The following CALM2 variants were observed in gnomAD, a reference collection of about 807,000 sequenced individuals.
CALM2 encodes calmodulin-2.
In CALM2, 2 loss-of-function variants were observed where a neutral mutation model predicts 19.8. The ratio of observed to expected loss-of-function variants is 0.10; its 90% confidence interval spans 0.04 to 0.32. The LOEUF (loss-of-function observed/expected upper bound fraction) is 0.32, where lower values mean the gene tolerates loss of function less well. CALM2 is among the 10% of genes least tolerant of loss of function. CALM2 has a pLI of 1.00. For synonymous variants in CALM2, 51 were observed against 52.1 expected, an observed-to-expected ratio of 0.98 and a Z score of 0.09; for missense variants, 38 against 178.7, an observed-to-expected ratio of 0.21 and a Z score of 4.49.
At chr2:47,165,336 G>C (rs1666429234) in intron 2 of CALM2, among the ~76,000 whole-genome samples, 1 of 152,180 alleles carries the variant, frequency 6.6e-6, no homozygotes, top group Admixed American at 6.5e-5. Context: ...CCTCATTTCT[G>C]TGAAATGACA....
chr2:47,176,478 C>A lies in CALM2; in HGVS notation c.-35G>T. On this transcript the variant is annotated 5_prime_UTR_variant, in exon 1 of 6. Coordinates refer to ENST00000272298, the MANE Select transcript of CALM2 (RefSeq NM_001743.6). ...GCTACCGGTTTCCGAGACGCGACCACACAACCACTCAGCTCGCTCTCTCCA... is the reference window on the plus strand; with the variant it reads ...GCTACCGGTTTCCGAGACGCGACCAAACAACCACTCAGCTCGCTCTCTCCA... The A allele has an allele frequency of 1.2e-6, 2 of 1,613,742 alleles. No individual in the cohort carries two copies. Among genetic ancestry groups the A allele is most frequent in the East Asian group, 4.5e-5 (2 of 44,870 alleles).
chr2:47,173,374 C>T (rs972417467), intron 1 of CALM2: 4 of 152,258 alleles, frequency 2.6e-5, no homozygotes, highest in African/African-American at 7.2e-5. Context: ...CTTGTTCTTA[C>T]TCCCTTATTT....
In CALM2 at chr2:47,176,382, G is replaced by C; in HGVS notation, c.3+59C>G. 2.5e-6 allele frequency: 4 copies of C among 1,601,582 alleles called. 1 individual carries two copies. In the South Asian group the frequency reaches 3.3e-5, roughly 13 times the overall value. On this transcript the variant is annotated intron_variant, in intron 1 of 5. Transcript: ENST00000272298. ...GAGGCGAGTTTCCTTTGTTTAGTCA[G>C]TTCGCTCCAGTCTCTTCCCCCCACA...
Position 47,176,465 on chromosome 2 carries a change from C to G in CALM2, c.-22G>C, listed in dbSNP as rs765695627. 3.7e-6 allele frequency: 6 copies of G among 1,613,788 alleles called. No individual in the cohort carries two copies. Among genetic ancestry groups the G allele is most frequent in the Middle Eastern group, 1.6e-4 (1 of 6,062 alleles). ...CCATGCTGCAAGCGCTACCGGTTTC[C>G]GAGACGCGACCACACAACCACTCAG... is the stretch of plus-strand genomic sequence containing the variant. On this transcript the variant is annotated 5_prime_UTR_variant, in exon 1 of 6. Coordinates refer to ENST00000272298, the MANE Select transcript of CALM2 (RefSeq NM_001743.6).
chr2:47,168,389 T>C (rs1214120483), intron 2 of CALM2, among the ~76,000 whole-genome samples: 1 of 152,070 alleles, frequency 6.6e-6, no homozygotes, highest in Admixed American at 6.6e-5. Flanking sequence ...TTAAAGACAA[T>C]AAAGAGAACA....
At chr2:47,170,441 T>TAGTC (rs992207561) in intron 2 of CALM2, among the ~76,000 whole-genome samples, 7 of 152,184 alleles carry the variant, frequency 4.6e-5, no homozygotes, top group Admixed American at 1.3e-4. Context: ...TATACTAAGG[T>TAGTC]AGTCTTCAGA....
upstream of CALM2, chr2:47,176,641 C>A (rs1171544365): frequency 5.4e-6 from 8 of 1,484,794 alleles, no homozygotes; most frequent in East Asian, 2.5e-5. Context: ...TCTCGGGACC[C>A]CTTTCTTCAC....
chr2:47,162,426 G>A (rs1177492240), intron 3 of CALM2, 34 bp from the exon 4 acceptor site: 1 of 1,604,752 alleles, frequency 6.2e-7, no homozygotes, highest in Admixed American at 1.7e-5. Context: ...CAAAGCTTTA[G>A]TGGAAACATA....
intron 2 of CALM2, among the ~76,000 whole-genome samples, chr2:47,170,158 C>A (rs546999341): frequency 6.6e-6 from 1 of 152,126 alleles, no homozygotes; most frequent in African/African-American, 2.4e-5. Flanking sequence ...AAGATTTAAG[C>A]GGCTTCATTT....
rs1212624162 is a variant in CALM2, at chr2:47,161,877, T to C, written c.286-19A>G. On this transcript the variant is annotated intron_variant, in intron 4 of 5. Coordinates refer to ENST00000272298, the MANE Select transcript of CALM2 (RefSeq NM_001743.6). ...TGCCATCCTAGCAAAAAATTTAGTA[T>C]AGTTTCTGAGTCAAATTACAGACTT... 6.3e-7 allele frequency: 1 copy of C among 1,597,544 alleles called. No homozygotes were observed. The highest frequency in any genetic ancestry group is 8.5e-7 in the Non-Finnish European group (1 of 1,172,380).
intron 2 of CALM2, among the ~76,000 whole-genome samples, chr2:47,167,211 A>T (rs948629193): frequency 2.0e-5 from 3 of 152,196 alleles, no homozygotes; most frequent in Admixed American, 6.5e-5. Context: ...TCTCAAACAA[A>T]TTTGGACCTT....
In CALM2 at chr2:47,160,824, CA is replaced by C. The variant is rs1260026331; in HGVS notation, c.422-21del. The C allele has an allele frequency of 7.9e-6, 5 of 632,900 alleles. No homozygotes were observed. Among genetic ancestry groups the C allele is most frequent in the African/African-American group, 1.0e-4 (2 of 19,692 alleles). The allele number at this position is 632,900 out of a possible 1,614,324, so 39.2% of individuals were successfully genotyped here. A position where few individuals can be genotyped will look rare whatever the true frequency, so the allele number is the denominator to read the frequency against. On this transcript the variant is annotated intron_variant, in intron 5 of 5. Coordinates refer to ENST00000272298, the MANE Select transcript of CALM2 (RefSeq NM_001743.6). The stretch of plus-strand genomic sequence containing the variant: ...CAAACTCTGAAAAAGAAGAAGTACA[CA>C]AAAAATGAGTCAATAGCAAAAGACC...
chr2:47,161,548 C>CA (rs1367854252), intron 5 of CALM2, among the ~76,000 whole-genome samples, 175 bp downstream of exon 5: 1 of 152,072 alleles, frequency 6.6e-6, no homozygotes, highest in Non-Finnish European at 1.5e-5. Context: ...CAAGTCAGAG[C>CA]AATGTTACCT....
intron 1 of CALM2, chr2:47,171,175 T>TA (rs10700263): frequency 0.17 from 25,468 of 147,008 alleles, 2,196 homozygotes; most frequent in Non-Finnish European, 0.2. Flanking sequence ...TTAAAGTGAT[T>TA]AAAAAAAAAA....
intron 2 of CALM2, among the ~76,000 whole-genome samples, chr2:47,167,941 TAC>T (rs1213895419): frequency 2.6e-5 from 4 of 151,372 alleles, no homozygotes; most frequent in African/African-American, 9.7e-5. Context: ...CACCAACAAT[TAC>T]AATTTACCAG....
intron 1 of CALM2, chr2:47,171,499 T>C (rs1016883813): frequency 6.6e-6 from 1 of 152,228 alleles, no homozygotes; most frequent in African/African-American, 2.4e-5. Flanking sequence ...TTAAGTGGGA[T>C]TGGGGCACAG....
At chr2:47,164,019 T>G (rs913945575) in intron 2 of CALM2, 5 of 151,062 alleles carry the variant, frequency 3.3e-5, no homozygotes, top group African/African-American at 1.2e-4. Context: ...GGGTGGATCA[T>G]GAGGTCAGGA....
intron 1 of CALM2, 129 bp from the exon 2 acceptor site, chr2:47,170,893 GGATA>G: frequency 1.3e-6 from 1 of 763,976 alleles, no homozygotes; most frequent in Non-Finnish European, 2.4e-6. Context: ...AAACACATCT[GGATA>G]GAAAATGCAC....
chr2:47,167,894 A>G (rs577229020), intron 2 of CALM2, among the ~76,000 whole-genome samples: 5 of 144,340 alleles, frequency 3.5e-5, no homozygotes, highest in African/African-American at 1.3e-4. Flanking sequence ...TCAGCCTCCC[A>G]AAGTGTTGGG....
Sources: allele counts gnomAD v4.1 joint callset (sites outside exome capture counted in the v4.1 genomes callset), GRCh38; gene constraint gnomAD v4.1.1; transcripts MANE v1.5; gene names NCBI Gene and HGNC (gene_info 2026-07-23, HGNC 2026-07-21).